SYNE2: variants seen among roughly 807,000 people sequenced by gnomAD.
SYNE2 encodes the protein spectrin repeat containing nuclear envelope protein 2, also known as nesprin-2.
SYNE2 carries 431 observed loss-of-function variants against 856.3 expected under a neutral mutation model. The observed-to-expected ratio is 0.50, with a 90% CI of 0.47 to 0.55. SYNE2 has a LOEUF of 0.55. Among genes scored for constraint, SYNE2 ranks in the 20% least tolerant of loss-of-function variants. SYNE2 has a pLI of 0.00. For missense variants in SYNE2, 8,129 were observed against 8,023.2 expected, an observed-to-expected ratio of 1.01 and a Z score of -0.50; for synonymous variants, 2,923 against 2,872.3, an observed-to-expected ratio of 1.02 and a Z score of -0.56.
At chr14:63,969,315 C>G (rs968846721) in intron 11 of SYNE2, among the ~76,000 whole-genome samples, 8 of 148,568 alleles carry the variant, frequency 5.4e-5, no homozygotes, top group African/African-American at 1.5e-4. Context: ...ATTACAGGTG[C>G]ATGCCACCAT....
chr14:63,782,633 G>A (rs1458079544), intron 1 of SYNE2, among the ~76,000 whole-genome samples: 3 of 151,882 alleles, frequency 2.0e-5, no homozygotes, highest in Non-Finnish European at 2.9e-5. Context: ...CTGTGAGCCC[G>A]TATTGATAAG....
intron 49 of SYNE2, 105 bp from the exon 50 acceptor site, chr14:64,062,646 A>G (rs2097326454): frequency 1.7e-6 from 2 of 1,170,260 alleles, no homozygotes; most frequent in South Asian, 1.4e-5. Context: ...AAGTTGTCAT[A>G]TCTTTTCTTA....
intron 8 of SYNE2, among the ~76,000 whole-genome samples, chr14:63,958,241 A>G (rs2153441850): frequency 6.6e-6 from 1 of 152,132 alleles, no homozygotes; most frequent in Non-Finnish European, 1.5e-5. Flanking sequence ...CTTTATTCAT[A>G]TTTTCTTAGT....
intron 1 of SYNE2, among the ~76,000 whole-genome samples, chr14:63,786,117 G>T (rs1297737628): frequency 6.6e-6 from 1 of 152,186 alleles, no homozygotes; most frequent in African/African-American, 2.4e-5. Context: ...GGGCATGGTG[G>T]TGTGTGCCTG....
Position 64,193,413 on chromosome 14 carries a change from G to C in SYNE2, c.18038+3176G>C, listed in dbSNP as rs188122831. Among the ~76,000 whole-genome samples the C allele has an allele frequency of 4.9e-4, 75 of 152,248 alleles. No individual in the cohort carries two copies. In the East Asian group the frequency reaches 7.7e-3, roughly 16 times the overall value. ...AAAAATACAAAAACTACCTGGGCGT[G>C]GTGGTGCGCACCTGTAGTCCCAGCT... On this transcript the variant is annotated intron_variant, in intron 99 of 115. Transcript: ENST00000555002.
At chr14:64,090,641 T>C (rs983671245) in intron 59 of SYNE2, among the ~76,000 whole-genome samples, 1 of 152,194 alleles carries the variant, frequency 6.6e-6, no homozygotes. Context: ...GTTGTCCAAA[T>C]GCGTAATTTA....
At chr14:64,202,775 TTTTG>T (rs2098580922) in intron 99 of SYNE2, 22 bp from the exon 100 acceptor site, 1 of 1,613,928 alleles carries the variant, frequency 6.2e-7, no homozygotes, top group African/African-American at 1.3e-5. Context: ...TTTTGTTTCG[TTTTG>T]TTTTTCTGCA....
intron 2 of SYNE2, among the ~76,000 whole-genome samples, chr14:63,930,664 A>G (rs2095741129): frequency 6.6e-6 from 1 of 151,586 alleles, no homozygotes; most frequent in Non-Finnish European, 1.5e-5. Context: ...CCTCCCAAGT[A>G]GCTGGGATTA....
rs1367958611 is a variant in SYNE2 at position 63,948,758 on chromosome 14, A to ATGTGTG, written c.409-1064_409-1063insGTGTGT. On this transcript the variant is annotated intron_variant, in intron 6 of 115. Coordinates refer to ENST00000555002, the MANE Select transcript of SYNE2 (RefSeq NM_182914.3). The stretch of plus-strand genomic sequence containing the variant: ...TGTATAGATATGTGTGTGTATATAT[A>ATGTGTG]TGTATATATATGTATGTGTGTGTGT... Among the ~76,000 whole-genome samples the ATGTGTG allele has an allele frequency of 4.5e-3, 465 of 104,230 alleles. 10 individuals carry two copies. Among genetic ancestry groups the ATGTGTG allele is most frequent in the Non-Finnish European group, 6.3e-3 (336 of 53,538 alleles). The allele number at this position is 104,230 out of a possible 152,430, so 68.4% of individuals were successfully genotyped here.
intron 45 of SYNE2, among the ~76,000 whole-genome samples, chr14:64,033,874 C>T (rs1447429680): frequency 2.0e-5 from 3 of 152,000 alleles, no homozygotes; most frequent in African/African-American, 7.2e-5. Context: ...AGTTTGGATA[C>T]AGATAACTAG....
intron 18 of SYNE2, among the ~76,000 whole-genome samples, chr14:63,986,124 G>A (rs1433846520): frequency 6.6e-6 from 1 of 152,192 alleles, no homozygotes; most frequent in African/African-American, 2.4e-5. Context: ...TTTGAAGACA[G>A]GGTCTTGCTT....
At chr14:63,781,294 G>T (rs1000583247) in intron 1 of SYNE2, among the ~76,000 whole-genome samples, 1 of 147,954 alleles carries the variant, frequency 6.8e-6, no homozygotes, top group African/African-American at 2.5e-5. Flanking sequence ...AAAAAAAAAA[G>T]AAAGATTTGT....
In SYNE2 at chr14:64,037,150, AATTG is replaced by A. The variant is rs567061840; in HGVS notation, c.7221+5796_7221+5799del. ...TGTCTCCTCTTTTTTTTTTTTTTTT[AATTG>A]ATCATTCTTGGGTGTTTCTCGCAGA... On this transcript the variant is annotated intron_variant, in intron 45 of 115. Coordinates refer to ENST00000555002, the MANE Select transcript of SYNE2 (RefSeq NM_182914.3). Among the ~76,000 whole-genome samples the A allele has an allele frequency of 1.6e-4, 23 of 140,864 alleles. No homozygotes were observed. In the South Asian group the frequency reaches 2.2e-3, roughly 14 times the overall value. 92.4% of individuals were successfully genotyped at this position (140,864 alleles called of 152,430 possible). A position where few individuals can be genotyped will look rare whatever the true frequency, so the allele number is the denominator to read the frequency against.
chr14:63,831,852 A>G (rs1392387551), intron 1 of SYNE2, among the ~76,000 whole-genome samples: 2 of 151,968 alleles, frequency 1.3e-5, no homozygotes, highest in Non-Finnish European at 2.9e-5. Flanking sequence ...CATGAATATA[A>G]TGTTCATTCT....
rs145961100 is a variant in SYNE2 at position 64,039,851 on chromosome 14, A to G, written c.7222-8149A>G. Among the ~76,000 whole-genome samples, 98 of 152,312 alleles carry G rather than the reference A, an allele frequency of 6.4e-4. 1 individual carries two copies. In the East Asian group the frequency reaches 0.015, roughly 23 times the overall value. On this transcript the variant is annotated intron_variant, in intron 45 of 115. Coordinates refer to ENST00000555002, the MANE Select transcript of SYNE2 (RefSeq NM_182914.3). ...GGGCTCAAAGAGAGGCTGTTCATTGATAGATACTCCAGAATAGACACGGGC... is the reference window on the plus strand; with the variant it reads ...GGGCTCAAAGAGAGGCTGTTCATTGGTAGATACTCCAGAATAGACACGGGC...
chr14:63,772,623 A>C (rs952650777), intron 1 of SYNE2, among the ~76,000 whole-genome samples: 9 of 150,348 alleles, frequency 6.0e-5, no homozygotes, highest in African/African-American at 2.2e-4. Flanking sequence ...TGCACCTATA[A>C]TCCCAGCTAT....
intron 63 of SYNE2, 174 bp downstream of exon 63, chr14:64,098,995 C>A (rs145784991): frequency 5.2e-4 from 349 of 667,166 alleles, no homozygotes; most frequent in Non-Finnish European, 7.7e-4. Context: ...GTATGGAAAC[C>A]TACTTCACTG....
chr14:64,207,630 G>C (rs1318592422), intron 100 of SYNE2, among the ~76,000 whole-genome samples: 2 of 151,712 alleles, frequency 1.3e-5, no homozygotes, highest in Non-Finnish European at 2.9e-5. Context: ...ATATGAAAGT[G>C]ACCTGGAATG....
At chr14:63,908,005 G>C (rs182882060) in intron 1 of SYNE2, among the ~76,000 whole-genome samples, 1 of 152,234 alleles carries the variant, frequency 6.6e-6, no homozygotes, top group East Asian at 1.9e-4. Flanking sequence ...ATAAACAGAG[G>C]GGGCAGGCAG....
Sources: gnomAD v4.1 joint callset for allele counts (sites outside exome capture counted in the v4.1 genomes callset) on GRCh38, gnomAD v4.1.1 for gene constraint, MANE v1.5 for transcripts, NCBI Gene and HGNC (gene_info 2026-07-23, HGNC 2026-07-21) for gene names.